The following ASTN2 variants were observed in gnomAD, a reference collection of about 807,000 sequenced individuals.
ASTN2 encodes the protein astrotactin 2, also known as astrotactin-2.
A neutral mutation model predicts 139.8 loss-of-function variants in ASTN2; 54 were observed. The observed-to-expected ratio is 0.39, with a 90% CI of 0.31 to 0.48. The LOEUF (loss-of-function observed/expected upper bound fraction) is 0.48, where lower values mean the gene tolerates loss of function less well. ASTN2 is among the 20% of genes least tolerant of loss of function. The pLI is 0.95. For missense variants in ASTN2, 1,565 were observed against 1,725.1 expected (o/e 0.91, Z 1.64); for synonymous variants, 756 against 719.5 (o/e 1.05, Z -0.81).
chr9:116,531,372 A>G (rs1017964961), intron 19 of ASTN2, among the ~76,000 whole-genome samples: 15 of 152,148 alleles, frequency 9.9e-5, no homozygotes, highest in African/African-American at 3.1e-4. Context: ...GATGTTTACA[A>G]TTTTTTTATT....
intron 1 of ASTN2, among the ~76,000 whole-genome samples, chr9:117,334,483 G>GATTTTTT (rs781696426): frequency 6.7e-6 from 1 of 148,860 alleles, no homozygotes; most frequent in Non-Finnish European, 1.5e-5. Flanking sequence ...GTATATCAGG[G>GATTTTTT]CTTTTTTTTT....
At chr9:117,150,920 C>G (rs1017176872) in intron 3 of ASTN2, among the ~76,000 whole-genome samples, 1 of 152,106 alleles carries the variant, frequency 6.6e-6, no homozygotes, top group African/African-American at 2.4e-5. Context: ...CCAGGTTGGT[C>G]TTGAACTCCT....
chr9:116,841,138 G>A (rs970756130), intron 11 of ASTN2, among the ~76,000 whole-genome samples: 6 of 152,242 alleles, frequency 3.9e-5, no homozygotes, highest in African/African-American at 1.4e-4. Flanking sequence ...ACCTCGGGAG[G>A]CCGAGGCTGT....
chr9:117,035,310 T>A (rs927332761), intron 6 of ASTN2, among the ~76,000 whole-genome samples: 45 of 152,172 alleles, frequency 3.0e-4, no homozygotes, highest in Admixed American at 6.6e-5. Flanking sequence ...AGTATTATGA[T>A]GTGGGTGAAT....
intron 6 of ASTN2, among the ~76,000 whole-genome samples, chr9:117,015,278 C>T (rs1837642465): frequency 1.3e-5 from 2 of 152,158 alleles, no homozygotes; most frequent in African/African-American, 4.8e-5. Flanking sequence ...CTTGGCCTCT[C>T]AAAGTGTTGG....
chr9:117,333,116 G>A (rs1468139216), intron 1 of ASTN2, among the ~76,000 whole-genome samples: 1 of 152,106 alleles, frequency 6.6e-6, no homozygotes, highest in Non-Finnish European at 1.5e-5. Flanking sequence ...ACTCTAAAGA[G>A]GCAGATTATA....
chr9:116,983,887 A>G (rs1039508242), intron 7 of ASTN2, among the ~76,000 whole-genome samples: 4 of 152,212 alleles, frequency 2.6e-5, no homozygotes, highest in African/African-American at 9.6e-5. Context: ...CTTAGAGCCA[A>G]GGGCAGCTGA....
chr9:117,170,008 C>T (rs1253490552), intron 3 of ASTN2, among the ~76,000 whole-genome samples: 1 of 152,088 alleles, frequency 6.6e-6, no homozygotes, highest in African/African-American at 2.4e-5. Flanking sequence ...CACATCCTAC[C>T]TCTGTGATCA....
chr9:116,885,831 G>T (rs1833581719), intron 10 of ASTN2, among the ~76,000 whole-genome samples: 1 of 152,036 alleles, frequency 6.6e-6, no homozygotes, highest in Admixed American at 6.6e-5. Flanking sequence ...GTTCAATAAG[G>T]CTGTTTGCTC....
chr9:117,413,185 G>A (rs2130985546), intron 1 of ASTN2, among the ~76,000 whole-genome samples: 1 of 152,382 alleles, frequency 6.6e-6, no homozygotes, highest in Non-Finnish European at 1.5e-5. Context: ...GATGGGGAGT[G>A]GGTCACAAAA....
chr9:117,396,342 T>A (rs548818780), intron 1 of ASTN2, among the ~76,000 whole-genome samples: 2 of 152,160 alleles, frequency 1.3e-5, no homozygotes, highest in Non-Finnish European at 2.9e-5. Context: ...ATTTCGGGCC[T>A]CCCCAGCTAT....
chr9:116,877,552 A>G (rs1833335470), intron 10 of ASTN2, among the ~76,000 whole-genome samples: 1 of 152,202 alleles, frequency 6.6e-6, no homozygotes, highest in African/African-American at 2.4e-5. Context: ...TACTGAATAC[A>G]GTAAGATCAT....
At chr9:117,384,493 T>G (rs16905575) in intron 1 of ASTN2, among the ~76,000 whole-genome samples, 15,845 of 152,226 alleles carry the variant, frequency 0.1, 1,359 homozygotes, top group East Asian at 0.32. Context: ...CTCTGCACTT[T>G]GCTCTCCCTT....
At chr9:116,535,719 A>G (rs1851592100) in intron 19 of ASTN2, among the ~76,000 whole-genome samples, 2 of 152,182 alleles carry the variant, frequency 1.3e-5, no homozygotes, top group Admixed American at 1.3e-4. Flanking sequence ...TTCTGCTGAG[A>G]GATCAGCTGT....
intron 7 of ASTN2, among the ~76,000 whole-genome samples, chr9:116,980,900 C>A (rs2132534537): frequency 6.6e-6 from 1 of 152,202 alleles, no homozygotes; most frequent in East Asian, 1.9e-4. Flanking sequence ...TTCTGCACAC[C>A]CAGAGCAGCA....
intron 3 of ASTN2, among the ~76,000 whole-genome samples, chr9:117,194,211 C>T (rs1459090885): frequency 6.6e-6 from 1 of 152,160 alleles, no homozygotes; most frequent in African/African-American, 2.4e-5. Flanking sequence ...TTTCCAGTTC[C>T]TCCACCAACC....
chr9:117,332,067 C>T lies in ASTN2; in HGVS notation c.443-40554G>A, dbSNP rs116835693. On this transcript the variant is annotated intron_variant, in intron 1 of 22. Transcript: ENST00000313400. Reference sequence around the variant, plus strand: ...GCCCACTGGGGAGGGTGTCAGCTCCCCACCACCAAGGAAATGTAGATTTAA... The same window carrying T: ...GCCCACTGGGGAGGGTGTCAGCTCCTCACCACCAAGGAAATGTAGATTTAA... Among the ~76,000 whole-genome samples, 793 of 152,200 alleles carry T rather than the reference C, an allele frequency of 5.2e-3. 7 individuals carry two copies. The highest frequency in any genetic ancestry group is 0.018 in the African/African-American group (765 of 41,526).
At chr9:117,308,248 T>TCAATCAAA (rs1554718306) in intron 1 of ASTN2, among the ~76,000 whole-genome samples, 30 of 138,840 alleles carry the variant, frequency 2.2e-4, no homozygotes, top group Admixed American at 1.1e-3. Context: ...AATCAATCAA[T>TCAATCAAA]CAAACAAACA....
chr9:116,449,494 G>A (rs139472535), intron 20 of ASTN2, among the ~76,000 whole-genome samples: 224 of 152,314 alleles, frequency 1.5e-3, no homozygotes, highest in South Asian at 2.7e-3. Context: ...ATGAAACGAT[G>A]CTTGACACAT....
Sources: allele counts gnomAD v4.1 joint callset (sites outside exome capture counted in the v4.1 genomes callset), GRCh38; gene constraint gnomAD v4.1.1; transcripts MANE v1.5; gene names NCBI Gene and HGNC (gene_info 2026-07-23, HGNC 2026-07-21).